The following LRRC7 variants were observed in gnomAD, a reference collection of about 807,000 sequenced individuals.
LRRC7 encodes the protein leucine rich repeat containing 7.
LRRC7 carries 23 observed loss-of-function variants against 175.7 expected under a neutral mutation model. The ratio of observed to expected loss-of-function variants is 0.13; its 90% CI spans 0.09 to 0.19. LRRC7 has a LOEUF of 0.19. Among genes scored for constraint, LRRC7 ranks in the 10% least tolerant of loss-of-function variants. LRRC7 has a pLI of 1.00. For synonymous variants in LRRC7, 685 were observed against 680.9 expected (o/e 1.01, Z -0.09); for missense variants, 1,354 against 1,904.7 (o/e 0.71, Z 5.38).
intron 7 of LRRC7, among the ~76,000 whole-genome samples, chr1:69,864,229 G>C (rs571030234): frequency 5.9e-5 from 9 of 152,212 alleles, no homozygotes; most frequent in African/African-American, 1.9e-4. Context: ...TTCCCTTGCA[G>C]GTCTATGAGT....
At chr1:69,796,805 C>A (rs1041801400) in intron 4 of LRRC7, among the ~76,000 whole-genome samples, 36 of 151,368 alleles carry the variant, frequency 2.4e-4, no homozygotes, top group African/African-American at 7.5e-4. Flanking sequence ...AAAAAAAAAA[C>A]AAAAAACAAC....
At chr1:69,805,344 A>G (rs1268848310) in intron 4 of LRRC7, among the ~76,000 whole-genome samples, 3 of 151,788 alleles carry the variant, frequency 2.0e-5, no homozygotes, top group South Asian at 2.1e-4. Flanking sequence ...ATCTGAGCAC[A>G]TTACTCTTGA....
rs1666737671 is a variant in LRRC7 at position 70,133,058 on chromosome 1, C to T, written c.*11171C>T. ...GTTCAACTCTGACAAATACTATCCT[C>T]ATATTTAGTTGTACACATCCGCATA... On this transcript the variant is annotated 3_prime_UTR_variant, in exon 27 of 27. Coordinates refer to ENST00000651989, the MANE Select transcript of LRRC7 (RefSeq NM_001370785.2). Among the ~76,000 whole-genome samples, 1 of 152,156 alleles carries T rather than the reference C, an allele frequency of 6.6e-6. No homozygotes were observed. The highest frequency in any genetic ancestry group is 1.5e-5 in the Non-Finnish European group (1 of 68,030).
chr1:70,136,869 G>T lies in LRRC7; in HGVS notation c.*14982G>T, dbSNP rs1666896827. The stretch of plus-strand genomic sequence containing the variant: ...GCCTCCTGAGTAGCTGGGACTATAG[G>T]CATGCACCACCACTCCTGGCTAATT... On this transcript the variant is annotated 3_prime_UTR_variant, in exon 27 of 27. Coordinates refer to ENST00000651989, the MANE Select transcript of LRRC7 (RefSeq NM_001370785.2). Among the ~76,000 whole-genome samples the T allele has an allele frequency of 6.6e-6, 1 of 151,434 alleles. No homozygotes were observed. The highest frequency in any genetic ancestry group is 2.4e-5 in the African/African-American group (1 of 41,190).
At chr1:69,781,786 A>AAAGAAAGAAAGAAAGG (rs1673676721) in intron 3 of LRRC7, among the ~76,000 whole-genome samples, 1 of 28,246 alleles carries the variant, frequency 3.5e-5, no homozygotes, top group Non-Finnish European at 6.0e-5. Context: ...AGAAAGAAAG[A>AAAGAAAGAAAGAAAGG]AAGGAAGGAA....
intron 23 of LRRC7, among the ~76,000 whole-genome samples, chr1:70,064,464 A>G (rs1444550543): frequency 6.6e-6 from 1 of 151,906 alleles, no homozygotes; most frequent in Non-Finnish European, 1.5e-5. Context: ...TTGTCTGGGT[A>G]TACAGCCTAC....
chr1:69,860,438 G>A (rs1011806381), intron 7 of LRRC7, among the ~76,000 whole-genome samples: 3 of 151,958 alleles, frequency 2.0e-5, no homozygotes, highest in African/African-American at 7.2e-5. Context: ...CTTAAAGGTG[G>A]ATTAGGGATT....
intron 7 of LRRC7, among the ~76,000 whole-genome samples, chr1:69,854,650 A>G (rs889961072): frequency 2.0e-5 from 3 of 152,228 alleles, no homozygotes; most frequent in African/African-American, 7.2e-5. Flanking sequence ...GAATGAAGTT[A>G]TTACTTGAAA....
intron 22 of LRRC7, among the ~76,000 whole-genome samples, chr1:70,046,138 T>G (rs952876661): frequency 6.6e-6 from 1 of 152,128 alleles, no homozygotes; most frequent in Non-Finnish European, 1.5e-5. Flanking sequence ...TGGCTTAATT[T>G]TTGGCCATAT....
At chr1:70,119,134 T>G (rs1161311392) in intron 26 of LRRC7, among the ~76,000 whole-genome samples, 3 of 151,622 alleles carry the variant, frequency 2.0e-5, no homozygotes, top group Non-Finnish European at 4.4e-5. Context: ...AGAATTTACC[T>G]GAAAAAAAAA....
intron 1 of LRRC7, among the ~76,000 whole-genome samples, chr1:69,636,257 A>G (rs959271419): frequency 1.3e-5 from 2 of 152,016 alleles, no homozygotes; most frequent in African/African-American, 2.4e-5. Flanking sequence ...CTATTGAGAA[A>G]TTTTTATGTT....
intron 4 of LRRC7, among the ~76,000 whole-genome samples, chr1:69,825,035 A>G (rs1207316737): frequency 6.6e-6 from 1 of 152,152 alleles, no homozygotes; most frequent in African/African-American, 2.4e-5. Flanking sequence ...TTTCAGTTTC[A>G]TAGAAAAATC....
chr1:69,732,137 C>T (rs1667642141), intron 2 of LRRC7, among the ~76,000 whole-genome samples: 1 of 151,674 alleles, frequency 6.6e-6, no homozygotes, highest in Non-Finnish European at 1.5e-5. Flanking sequence ...AAAGTAATTC[C>T]AATTTAGTAG....
At chr1:69,692,640 A>T (rs1311262072) in intron 2 of LRRC7, among the ~76,000 whole-genome samples, 1 of 152,146 alleles carries the variant, frequency 6.6e-6, no homozygotes, top group Non-Finnish European at 1.5e-5. Context: ...ATTATTCTTG[A>T]AGCTTCCAAA....
At chr1:69,976,668 A>T (rs1169931681) in intron 8 of LRRC7, among the ~76,000 whole-genome samples, 1 of 151,992 alleles carries the variant, frequency 6.6e-6, no homozygotes, top group Non-Finnish European at 1.5e-5. Flanking sequence ...GCTCTTGTTC[A>T]CTTCCTTTTT....
chr1:69,733,025 A>G (rs1200821022), intron 2 of LRRC7, among the ~76,000 whole-genome samples: 1 of 152,054 alleles, frequency 6.6e-6, no homozygotes, highest in Admixed American at 6.6e-5. Flanking sequence ...GTTTCTGCAG[A>G]AAAGACAATT....
At chr1:69,608,866 CTATATATATATATATATA>C (rs200475842) in intron 1 of LRRC7, among the ~76,000 whole-genome samples, 1 of 41,170 alleles carries the variant, frequency 2.4e-5, no homozygotes, top group Non-Finnish European at 4.2e-5. Flanking sequence ...CTCTCTCTCT[CTATATATATATATATATA>C]TATATATATA....
At chr1:70,108,367 TG>T (rs1357104620) in intron 26 of LRRC7, among the ~76,000 whole-genome samples, 2 of 152,270 alleles carry the variant, frequency 1.3e-5, no homozygotes, top group Non-Finnish European at 2.9e-5. Flanking sequence ...CTTAAAGCTC[TG>T]CATATCAGAA....
intron 1 of LRRC7, among the ~76,000 whole-genome samples, chr1:69,580,890 A>C (rs955164220): frequency 1.3e-5 from 2 of 152,238 alleles, no homozygotes; most frequent in African/African-American, 4.8e-5. Flanking sequence ...TTCTGAGAAG[A>C]AGTAGCATCT....
Sources: allele counts gnomAD v4.1 joint callset (sites outside exome capture counted in the v4.1 genomes callset), GRCh38; gene constraint gnomAD v4.1.1; transcripts MANE v1.5; gene names NCBI Gene and HGNC (gene_info 2026-07-23, HGNC 2026-07-21).